Variants in ZNF316 observed in about 807,000 individuals in gnomAD.
ZNF316 encodes the protein zinc finger protein 316.
Under a neutral mutation model 75.6 loss-of-function variants are expected in ZNF316, and 23 were observed. The ratio of observed to expected loss-of-function variants is 0.30; its 90% CI spans 0.22 to 0.43. The LOEUF (loss-of-function observed/expected upper bound fraction) is 0.43. ZNF316 is among the 20% of genes least tolerant of loss of function. The pLI is 1.00. For missense variants in ZNF316, 1,266 were observed against 1,409.4 expected (o/e 0.90, Z 1.63); for synonymous variants, 827 against 666.2 (o/e 1.24, Z -3.72).
intron 6 of ZNF316, among the ~76,000 whole-genome samples, chr7:6,643,446 C>A (rs1269403011): frequency 1.3e-5 from 2 of 152,250 alleles, no homozygotes; most frequent in East Asian, 3.9e-4. Flanking sequence ...CACCAGTGCC[C>A]ACGCTCGGTT....
chr7:6,648,215 G>C (rs1318826263), intron 8 of ZNF316, among the ~76,000 whole-genome samples: 1 of 152,158 alleles, frequency 6.6e-6, no homozygotes, highest in Non-Finnish European at 1.5e-5. Flanking sequence ...CACTAGTGTG[G>C]GCTGGAGGGT....
At chr7:6,645,618 A>T (rs1333704643) in intron 8 of ZNF316, among the ~76,000 whole-genome samples, 3 of 150,316 alleles carry the variant, frequency 2.0e-5, no homozygotes, top group African/African-American at 7.4e-5. Context: ...CGGGAGGCAG[A>T]GGTTGTAGTG....
At position 6,642,801 on chromosome 7, in the gene ZNF316, G is replaced by T; in HGVS notation, c.355+37G>T. 8.1e-7 allele frequency: 1 copy of T among 1,233,020 alleles called. No individual in the cohort carries two copies. The highest frequency in any genetic ancestry group is 1.0e-6 in the Non-Finnish European group (1 of 988,592). 76.4% of individuals were successfully genotyped at this position (1,233,020 alleles called of 1,614,324 possible). ...AGCCAGCCTTGGGGAGGAGATGAAG[G>T]GGGCTGAGGTGGGCCAGGCCAGGGA... On this transcript the variant is annotated intron_variant, in intron 5 of 8. Transcript: ENST00000382252. The surrounding 1 kb of genome is among the most constrained non-coding windows in gnomAD (Gnocchi z 8.1).
chr7:6,654,763 A>T lies in ZNF316; in HGVS notation c.*152A>T. ...CCCTCGCCCTGCGGCCCCGGGTCTC[A>T]TGCCCGCCGGGTCCGTGTGCTCAGC... On this transcript the variant is annotated 3_prime_UTR_variant, in exon 9 of 9. Transcript: ENST00000382252. The T allele has an allele frequency of 4.7e-6, 3 of 632,424 alleles. No individual in the cohort carries two copies. Among genetic ancestry groups the T allele is most frequent in the Non-Finnish European group, 6.4e-6 (3 of 468,334 alleles). 39.2% of individuals were successfully genotyped at this position (632,424 alleles called of 1,614,324 possible).
At position 6,647,476 on chromosome 7, in the gene ZNF316, A is replaced by T. The variant is rs573078092; in HGVS notation, c.706+2883A>T. Among the ~76,000 whole-genome samples, 3 of 152,360 alleles carry T rather than the reference A, an allele frequency of 2.0e-5. No individual in the cohort carries two copies. In the East Asian group the frequency reaches 5.8e-4, roughly 29 times the overall value. On this transcript the variant is annotated intron_variant, in intron 8 of 8. Transcript: ENST00000382252. ...CTTTGCGACTGTCCCCCGTGAGAGAAGATCTCCCTAAGGCCATCTGGAGTT... is the reference window on the plus strand; with the variant it reads ...CTTTGCGACTGTCCCCCGTGAGAGATGATCTCCCTAAGGCCATCTGGAGTT...
chr7:6,649,732 A>G (rs143629899), intron 8 of ZNF316, among the ~76,000 whole-genome samples: 22 of 152,178 alleles, frequency 1.4e-4, no homozygotes, highest in East Asian at 3.9e-4. Flanking sequence ...CTCGGTGTCA[A>G]TGGTGGCCTG....
At chr7:6,643,672 C>A in intron 6 of ZNF316, 150 bp from the exon 7 acceptor site, 2 of 667,428 alleles carry the variant, frequency 3.0e-6, no homozygotes, top group East Asian at 3.5e-5. Flanking sequence ...CCTTGCTTTC[C>A]AGGGCTGTGG....
chr7:6,649,021 G>C (rs1362731126), intron 8 of ZNF316, among the ~76,000 whole-genome samples: 1 of 152,090 alleles, frequency 6.6e-6, no homozygotes, highest in Non-Finnish European at 1.5e-5. Flanking sequence ...TGCTGGGGTG[G>C]TCTCCCTCTC....
intron 2 of ZNF316, among the ~76,000 whole-genome samples, chr7:6,638,803 G>T (rs182773109): frequency 6.6e-6 from 1 of 152,292 alleles, no homozygotes; most frequent in East Asian, 1.9e-4. Context: ...ATGCTGATGA[G>T]ACCCCCTGTG....
Position 6,642,458 on chromosome 7 carries a change from C to T in ZNF316, c.49C>T (p.Arg17Trp), listed in dbSNP as rs1261734699. 1.3e-5 allele frequency: 16 copies of T among 1,232,054 alleles called. No individual in the cohort carries two copies. Among genetic ancestry groups the T allele is most frequent in the Middle Eastern group, 6.1e-4 (2 of 3,296 alleles). The allele number at this position is 1,232,054 out of a possible 1,614,324, so 76.3% of individuals were successfully genotyped here. ...TPDSPAAQLERAEDGSECDPD... is the reference protein window; with the variant it reads ...TPDSPAAQLEWAEDGSECDPD... ...CGACTCCCCAGCTGCCCAGCTGGAG[C>T]GGGCAGAGGACGGGTCAGAGTGCGA... Residue 17 changes from arginine (R) to tryptophan (W), a missense_variant, in exon 5 of 9, where the codon CGG becomes TGG. Physicochemically the swap from Arg to Trp is moderately radical, Grantham distance 101. This residue lies in a region of ZNF316 where 961 missense variants were observed against 990.9 expected (regional missense o/e 0.97). Coordinates refer to ENST00000382252, the MANE Select transcript of ZNF316 (RefSeq NM_001278559.2). The surrounding 1 kb of genome is among the most constrained non-coding windows in gnomAD (Gnocchi z 8.1).
In ZNF316 at chr7:6,653,798, G is replaced by T; in HGVS notation, c.2202G>T (p.Leu734=). The T allele has an allele frequency of 2.8e-6, 3 of 1,081,784 alleles. No homozygotes were observed. The highest frequency in any genetic ancestry group is 3.4e-6 in the Non-Finnish European group (3 of 889,634). 67.0% of individuals were successfully genotyped at this position (1,081,784 alleles called of 1,614,324 possible). Residue 734 remains leucine (L), a synonymous_variant, in exon 9 of 9, where the codon CTG becomes CTT. Coordinates refer to ENST00000382252, the MANE Select transcript of ZNF316 (RefSeq NM_001278559.2). The part of the protein sequence containing the change: ...CGKSFVYGSH[L]ARHRRTHTGE... Reference sequence around the variant, plus strand: ...AGAGCTTCGTGTACGGCTCGCACCTGGCGCGCCACCGGCGCACACACACCG... The same window carrying T: ...AGAGCTTCGTGTACGGCTCGCACCTTGCGCGCCACCGGCGCACACACACCG...
In ZNF316 at chr7:6,644,589, C is replaced by T; in HGVS notation, c.702C>T (p.Tyr234=). Residue 234 remains tyrosine (Y), a synonymous_variant, in exon 8 of 9, where the codon TAC becomes TAT. Transcript: ENST00000382252. ...AAGGAGACATCGTCACTGGCGTCTA[C>T]ACAGGTGAGCGTGGATGGAATTTTG... ...PEEGDIVTGV[Y]TGAWFWTDDI... The T allele has an allele frequency of 8.1e-7, 1 of 1,231,484 alleles. No individual in the cohort carries two copies. The highest frequency in any genetic ancestry group is 1.6e-5 in the African/African-American group (1 of 64,516). 76.3% of individuals were successfully genotyped at this position (1,231,484 alleles called of 1,614,324 possible).
rs1202045191 is a variant in ZNF316, at chr7:6,637,381, T to C, written c.-497T>C. On this transcript the variant is annotated 5_prime_UTR_variant, in exon 1 of 9. Coordinates refer to ENST00000382252, the MANE Select transcript of ZNF316 (RefSeq NM_001278559.2). This position sits in a 1 kb window ranked among gnomAD's most constrained non-coding sequence, Gnocchi z 6.2. ...GGCCGTCACTTTGTGTAGCGCGGGG[T>C]CCGCCGCCGGCCCGCAGGCCCCGGC... 6.9e-6 allele frequency: 1 copy of C among 145,908 alleles called. No individual in the cohort carries two copies. Among genetic ancestry groups the C allele is most frequent in the East Asian group, 2.0e-4 (1 of 4,938 alleles). The allele number at this position is 145,908 out of a possible 1,614,324, so 9.0% of individuals were successfully genotyped here.
chr7:6,637,412 T>G lies in ZNF316; in HGVS notation c.-466T>G, dbSNP rs992896770. The G allele has an allele frequency of 3.5e-5, 5 of 144,844 alleles. No individual in the cohort carries two copies. The highest frequency in any genetic ancestry group is 1.3e-4 in the African/African-American group (5 of 39,968). 9.0% of individuals were successfully genotyped at this position (144,844 alleles called of 1,614,324 possible). On this transcript the variant is annotated 5_prime_UTR_variant, in exon 1 of 9. Transcript: ENST00000382252. The surrounding 1 kb of genome is among the most constrained non-coding windows in gnomAD (Gnocchi z 6.2). ...GCCGGCCCGCAGGCCCCGGCCCCGG[T>G]GTCCGGCCCGTGGCTCGGCCAGCCC...
rs1779528776 is a variant in ZNF316, at chr7:6,652,593, C to G, written c.997C>G (p.Pro333Ala). The G allele has an allele frequency of 8.9e-6, 11 of 1,230,578 alleles. No individual in the cohort carries two copies. The highest frequency in any genetic ancestry group is 8.1e-6 in the Non-Finnish European group (8 of 987,108). 76.2% of individuals were successfully genotyped at this position (1,230,578 alleles called of 1,614,324 possible). A position where few individuals can be genotyped will look rare whatever the true frequency, so the allele number is the denominator to read the frequency against. ...GAACCTGCTGTCGCCCTGGGCGTTC[C>G]CCGCCGCAGTGGCCCCGCCGGCCGG... is the stretch of plus-strand genomic sequence containing the variant. ...GANLLSPWAF[P>A]AAVAPPAGRP... The change falls in exon 9 of 9, where the codon CCC (proline) becomes GCC (alanine). Residue 333 changes from proline to alanine, a missense_variant. Pro to Ala is a conservative substitution (Grantham distance 27). This residue lies in a region of ZNF316 where 961 missense variants were observed against 990.9 expected (regional missense o/e 0.97). Transcript: ENST00000382252.
At position 6,641,843 on chromosome 7, in the gene ZNF316, G is replaced by C. The variant is rs1453608877; in HGVS notation, c.-148G>C. The stretch of plus-strand genomic sequence containing the variant: ...CCTGCAGGAAGAAGCCTGACCTGCC[G>C]GCTTCCTGGCACCTGTCTCTCCTCC... On this transcript the variant is annotated 5_prime_UTR_variant, in exon 4 of 9. Coordinates refer to ENST00000382252, the MANE Select transcript of ZNF316 (RefSeq NM_001278559.2). The C allele has an allele frequency of 6.6e-6, 1 of 152,360 alleles. No homozygotes were observed. Among genetic ancestry groups the C allele is most frequent in the Non-Finnish European group, 1.5e-5 (1 of 68,162 alleles). The allele number at this position is 152,360 out of a possible 1,614,324, so 9.4% of individuals were successfully genotyped here. A position where few individuals can be genotyped will look rare whatever the true frequency, so the allele number is the denominator to read the frequency against.
rs1779579940 is a variant in ZNF316 at position 6,654,469 on chromosome 7, C to T, written c.2873C>T (p.Ala958Val). The change falls in exon 9 of 9, where the codon GCG becomes GTG. Residue 958 changes from alanine to valine, a missense_variant. By Grantham distance (64) the Ala-to-Val change is moderately conservative. Around this residue, in one of 3 missense-constraint regions of ZNF316, gnomAD observed 111 missense variants for 99.2 expected, o/e 1.12. Transcript: ENST00000382252. ...CCAGCCCCCGCGCCCAAGCCCGAGG[C>T]GGCCGCCAAGGGGCCGTCCAGTGCC... The part of the protein sequence containing the change: ...SAPAPAPKPE[A>V]AAKGPSSAGP... 1 of 1,191,496 alleles carries T rather than the reference C, an allele frequency of 8.4e-7. No individual in the cohort carries two copies. Among genetic ancestry groups the T allele is most frequent in the Non-Finnish European group, 1.0e-6 (1 of 962,298 alleles). The allele number at this position is 1,191,496 out of a possible 1,614,324, so 73.8% of individuals were successfully genotyped here. A position where few individuals can be genotyped will look rare whatever the true frequency, so the allele number is the denominator to read the frequency against.
In ZNF316 at chr7:6,653,489, G is replaced by A. The variant is rs1309685901; in HGVS notation, c.1893G>A (p.Pro631=). 4.9e-6 allele frequency: 6 copies of A among 1,222,262 alleles called. No individual in the cohort carries two copies. In the South Asian group the frequency reaches 2.1e-4, roughly 42 times the overall value. 75.7% of individuals were successfully genotyped at this position (1,222,262 alleles called of 1,614,324 possible). A position where few individuals can be genotyped will look rare whatever the true frequency, so the allele number is the denominator to read the frequency against. Residue 631 remains proline (P), a synonymous_variant, in exon 9 of 9, where the codon CCG becomes CCA. Transcript: ENST00000382252. Reference sequence around the variant, plus strand: ...AGCGGCTGCCGGTCGACGGGCGCCCGCTCCCGGCGCCCCTGGGGGGCCCGC... The same window carrying A: ...AGCGGCTGCCGGTCGACGGGCGCCCACTCCCGGCGCCCCTGGGGGGCCCGC... ...FRERLPVDGR[P]LPAPLGGPLS...
At chr7:6,648,073 T>C (rs1251598462) in intron 8 of ZNF316, among the ~76,000 whole-genome samples, 1 of 152,012 alleles carries the variant, frequency 6.6e-6, no homozygotes, top group Non-Finnish European at 1.5e-5. Context: ...GAGCCTGCAG[T>C]TGTGTTGGTG....
Sources: gnomAD v4.1 joint callset for allele counts (sites outside exome capture counted in the v4.1 genomes callset) on GRCh38, gnomAD v4.1.1 for gene constraint, gnomAD v4.1.1 regional missense constraint, Gnocchi (gnomAD v3.1) non-coding constraint, MANE v1.5 for transcripts, NCBI Gene and HGNC (gene_info 2026-07-23, HGNC 2026-07-21) for gene names.